The following ZNF540 variants were observed in gnomAD, a reference collection of about 807,000 sequenced individuals.
ZNF540 encodes CTD-3064H18.6.
Under a neutral mutation model 11.8 loss-of-function variants are expected in ZNF540, and 3 were observed. That is an observed-to-expected ratio of 0.25 (90% CI 0.12 to 0.65). The LOEUF (loss-of-function observed/expected upper bound fraction) is 0.65. Among genes scored for constraint, ZNF540 ranks in the 30% least tolerant of loss-of-function variants. The pLI is 0.83. For synonymous variants in ZNF540, 247 were observed against 259.0 expected (o/e 0.95, Z 0.45); for missense variants, 709 against 793.1 (o/e 0.89, Z 1.27).
Position 37,612,758 on chromosome 19 carries a change from A to G in ZNF540, c.1478A>G (p.Lys493Arg), listed in dbSNP as rs771039107. 1 of 1,614,124 alleles carries G rather than the reference A, an allele frequency of 6.2e-7. No individual in the cohort carries two copies. The highest frequency in any genetic ancestry group is 1.1e-5 in the South Asian group (1 of 91,076). Residue 493 changes from lysine (K) to arginine (R), a missense_variant, in exon 5 of 5, where the codon AAG (lysine) becomes AGG (arginine). Coordinates refer to ENST00000316433, the MANE Select transcript of ZNF540 (RefSeq NM_001172225.3). ...SLHKKIHTDV[K>R]PYKCVRCGKT... ...CATAAGAAAATTCATACTGATGTGA[A>G]GCCCTACAAATGTGTACGATGTGGG... is the stretch of plus-strand genomic sequence containing the variant.
At chr19:37,591,667 C>T (rs1179726624), upstream of ZNF540, among the ~76,000 whole-genome samples, 4 of 152,136 alleles carry the variant, frequency 2.6e-5, no homozygotes, top group Non-Finnish European at 5.9e-5. Flanking sequence ...GCCTCAGCCT[C>T]CCGAGTAGCT....
In ZNF540 at chr19:37,613,548, T is replaced by C. The variant is rs2044150007; in HGVS notation, c.*285T>C. The stretch of plus-strand genomic sequence containing the variant: ...GATATTAGACAAAATATTTGCTTCT[T>C]GGTACCTCAGCTGTAAAATGAAACA... On this transcript the variant is annotated 3_prime_UTR_variant, in exon 5 of 5. Coordinates refer to ENST00000316433, the MANE Select transcript of ZNF540 (RefSeq NM_001172225.3). The C allele has an allele frequency of 5.1e-6, 2 of 395,378 alleles. No individual in the cohort carries two copies. Among genetic ancestry groups the C allele is most frequent in the Non-Finnish European group, 4.5e-6 (1 of 223,422 alleles). 24.5% of individuals were successfully genotyped at this position (395,378 alleles called of 1,614,324 possible). A position where few individuals can be genotyped will look rare whatever the true frequency, so the allele number is the denominator to read the frequency against.
chr19:37,570,319 A>T (rs980646240), intron 1 of ZNF540, among the ~76,000 whole-genome samples: 2 of 152,104 alleles, frequency 1.3e-5, no homozygotes, highest in Non-Finnish European at 2.9e-5. Flanking sequence ...CCCGCCTGTG[A>T]TTATTTTCTT....
chr19:37,565,699 T>C (rs750548295), intron 1 of ZNF540: 2 of 1,613,904 alleles, frequency 1.2e-6, no homozygotes, highest in African/African-American at 2.7e-5. Context: ...CTGTATGAAC[T>C]CTCTGATGTT....
At chr19:37,600,841 C>T (rs1306416537) in intron 3 of ZNF540, among the ~76,000 whole-genome samples, 169 bp from the exon 4 acceptor site, 1 of 152,138 alleles carries the variant, frequency 6.6e-6, no homozygotes. Flanking sequence ...TCTTTATTCT[C>T]TGGGATCCTG....
chr19:37,583,774 G>C, intron 1 of ZNF540: 1 of 494,848 alleles, frequency 2.0e-6, no homozygotes, highest in South Asian at 3.0e-5. Flanking sequence ...TCAAAGAAGG[G>C]AGACACTGAC....
chr19:37,559,440 C>T (rs2042694589), intron 1 of ZNF540, among the ~76,000 whole-genome samples: 1 of 152,164 alleles, frequency 6.6e-6, no homozygotes, highest in African/African-American at 2.4e-5. Context: ...ATAGAAAACT[C>T]AACCTGAATA....
chr19:37,556,549 T>A (rs2042661630), intron 1 of ZNF540, among the ~76,000 whole-genome samples: 1 of 152,180 alleles, frequency 6.6e-6, no homozygotes, highest in Non-Finnish European at 1.5e-5. Context: ...TGGAACTTTT[T>A]AACAAACACT....
chr19:37,581,129 TGGGAAAAAGACAA>T lies in ZNF540; in HGVS notation c.-72-17245_-72-17233del, dbSNP rs2043443080. Among the ~76,000 whole-genome samples the T allele has an allele frequency of 2.0e-5, 3 of 152,190 alleles. No individual in the cohort carries two copies. The South Asian group carries it at 6.2e-4, about 32-fold the overall frequency. Reference sequence around the variant, plus strand: ...GAAGCCTTAAAACGTGAGACCCCCTTGGGAAAAAGACAAGCTAAAATTTATTCACATCTTTCAC... The same window carrying T: ...GAAGCCTTAAAACGTGAGACCCCCTTGCTAAAATTTATTCACATCTTTCAC... On this transcript the variant is annotated intron_variant, in intron 1 of 4. Coordinates refer to the ZNF540 transcript ENST00000592533.
intron 3 of ZNF540, 79 bp downstream of exon 3, chr19:37,599,831 T>G: frequency 7.0e-7 from 1 of 1,434,446 alleles, no homozygotes; most frequent in Non-Finnish European, 9.3e-7. Context: ...TAGGACTAAT[T>G]ATTAAGAAAC....
chr19:37,612,425 C>G lies in ZNF540; in HGVS notation c.1145C>G (p.Pro382Arg), dbSNP rs750641414. 3.7e-6 allele frequency: 6 copies of G among 1,613,948 alleles called. No individual in the cohort carries two copies. The highest frequency in any genetic ancestry group is 4.5e-5 in the East Asian group (2 of 44,858). Reference protein sequence around the residue: ...EHRRTHAGKKPYECKECGKSF... With the variant: ...EHRRTHAGKKRYECKECGKSF... ...AGAAGAACTCATGCAGGTAAGAAAC[C>G]TTATGAATGTAAGGAGTGTGGGAAA... The change falls in exon 5 of 5, where the codon CCT becomes CGT. Residue 382 changes from proline (P) to arginine (R), a missense_variant. Transcript: ENST00000316433.
intron 4 of ZNF540, among the ~76,000 whole-genome samples, chr19:37,607,963 C>T (rs1008186818): frequency 6.6e-6 from 1 of 152,196 alleles, no homozygotes; most frequent in Non-Finnish European, 1.5e-5. Context: ...ACATCCTTGT[C>T]AGCCTTTGGT....
At chr19:37,583,967 T>C in intron 1 of ZNF540, 1 of 1,600,626 alleles carries the variant, frequency 6.2e-7, no homozygotes, top group Non-Finnish European at 8.5e-7. Flanking sequence ...TAGGATGATC[T>C]TACCCAATGA....
At chr19:37,589,995 C>A (rs1336593244), upstream of ZNF540, among the ~76,000 whole-genome samples, 1 of 150,028 alleles carries the variant, frequency 6.7e-6, no homozygotes, top group African/African-American at 2.5e-5. Context: ...CACAAAGGAT[C>A]AAAGAAAAGT....
chr19:37,559,374 A>G (rs1457435675), intron 1 of ZNF540, among the ~76,000 whole-genome samples: 1 of 152,260 alleles, frequency 6.6e-6, no homozygotes, highest in Non-Finnish European at 1.5e-5. Flanking sequence ...TATATTCTAT[A>G]TAAATAAAAT....
At chr19:37,584,886 C>A (rs2043611200) in intron 1 of ZNF540, among the ~76,000 whole-genome samples, 1 of 151,696 alleles carries the variant, frequency 6.6e-6, no homozygotes, top group Non-Finnish European at 1.5e-5. Context: ...ATGGCGTGAA[C>A]CCTGGAGGCG....
chr19:37,561,642 A>G (rs765950861), intron 1 of ZNF540, among the ~76,000 whole-genome samples: 14 of 152,332 alleles, frequency 9.2e-5, no homozygotes, highest in Non-Finnish European at 1.9e-4. Context: ...ATCATATGCA[A>G]TGAGGTAGAA....
intron 1 of ZNF540, among the ~76,000 whole-genome samples, chr19:37,584,695 G>A (rs2043599629): frequency 6.6e-6 from 1 of 152,120 alleles, no homozygotes; most frequent in Non-Finnish European, 1.5e-5. Context: ...GGGCGCGGTG[G>A]CTCACGCTTG....
At chr19:37,555,493 TTAAAG>T (rs757114143) in intron 1 of ZNF540, 17 of 200,330 alleles carry the variant, frequency 8.5e-5, no homozygotes, top group Non-Finnish European at 1.4e-4. Context: ...AACCCAGTGA[TTAAAG>T]TAGTTAGCCA....
Sources: gnomAD v4.1 joint callset for allele counts (sites outside exome capture counted in the v4.1 genomes callset) on GRCh38, gnomAD v4.1.1 for gene constraint, MANE v1.5 for transcripts, NCBI Gene and HGNC (gene_info 2026-07-23, HGNC 2026-07-21) for gene names.